Variants in RP1 observed in about 807,000 individuals in gnomAD.
The protein encoded by RP1 is RP1 axonemal microtubule associated.
RP1 carries 16 observed loss-of-function variants against 14.8 expected under a neutral mutation model. The ratio of observed to expected loss-of-function variants is 1.08; its 90% CI spans 0.73 to 1.65. The LOEUF is 1.65. Among genes scored for constraint, RP1 ranks in the 40% most tolerant of loss-of-function variants. The pLI is 0.00. For missense variants in RP1, 2,631 were observed against 2,535.0 expected (o/e 1.04, Z -0.81); for synonymous variants, 876 against 883.6 (o/e 0.99, Z 0.15).
At position 54,716,892 on chromosome 8, in the gene RP1, C is replaced by T. The variant is rs182009193; in HGVS notation, c.2212-3237C>T. On this transcript the variant is annotated intron_variant, in intron 15 of 22. Coordinates refer to the RP1 transcript ENST00000636932. ...GAGTGTGTAAGTTTCCTGGGATAGCCCCTCAGCTGTTGAGATTCTCTCCCA... is the reference window on the plus strand; with the variant it reads ...GAGTGTGTAAGTTTCCTGGGATAGCTCCTCAGCTGTTGAGATTCTCTCCCA... Among the ~76,000 whole-genome samples the T allele has an allele frequency of 1.1e-4, 16 of 152,228 alleles. 1 individual carries two copies. The East Asian group carries it at 3.1e-3, about 29-fold the overall frequency.
chr8:54,609,474 G>A (rs564215847), intron 1 of RP1, among the ~76,000 whole-genome samples: 29 of 151,960 alleles, frequency 1.9e-4, no homozygotes, highest in African/African-American at 5.1e-4. Context: ...AAAGAAAACC[G>A]AAACCAAAAC....
chr8:54,827,461 C>G (rs1474520578), intron 24 of RP1, among the ~76,000 whole-genome samples: 1 of 151,922 alleles, frequency 6.6e-6, no homozygotes, highest in Non-Finnish European at 1.5e-5. Context: ...TCCCAAGTAG[C>G]TGGACTCCAG....
rs1563340428 is a variant in RP1, at chr8:54,660,751, T to TAAACA, written c.1172-2947_1172-2946insAACAA. Among the ~76,000 whole-genome samples, 4 of 152,272 alleles carry TAAACA rather than the reference T, an allele frequency of 2.6e-5. No homozygotes were observed. In the East Asian group the frequency reaches 7.7e-4, roughly 29 times the overall value. On this transcript the variant is annotated intron_variant, in intron 6 of 22. Coordinates refer to the RP1 transcript ENST00000636932. ...ATGCATTTTGCTGATGCCCTATGGG[T>TAAACA]ACTTTTTAATGAAACAACTATTTTG...
chr8:54,688,786 G>C (rs1308809052), intron 12 of RP1, among the ~76,000 whole-genome samples: 2 of 152,094 alleles, frequency 1.3e-5, no homozygotes, highest in Non-Finnish European at 2.9e-5. Flanking sequence ...GGATTGTCTT[G>C]GCAATGCAGC....
intron 24 of RP1, among the ~76,000 whole-genome samples, chr8:54,784,163 A>G (rs1810262477): frequency 6.6e-6 from 1 of 152,168 alleles, no homozygotes; most frequent in South Asian, 2.1e-4. Context: ...AATGGTCAAG[A>G]TTCAATTGCT....
At chr8:54,772,977 G>A (rs1426633479), downstream of RP1, among the ~76,000 whole-genome samples, 1 of 152,090 alleles carries the variant, frequency 6.6e-6, no homozygotes, top group Non-Finnish European at 1.5e-5. Flanking sequence ...CTCAACCTTT[G>A]TGGGGACAGG....
At chr8:54,645,751 C>T (rs448744) in intron 3 of RP1, among the ~76,000 whole-genome samples, 39,128 of 151,896 alleles carry the variant, frequency 0.26, 5,372 homozygotes, top group East Asian at 0.42. Context: ...GGATTGATAC[C>T]ATTTTTTAGA....
At position 54,588,618 on chromosome 8, in the gene RP1, G is replaced by A. The variant is rs545479659; in HGVS notation, c.-13+29298G>A. Among the ~76,000 whole-genome samples the A allele has an allele frequency of 4.6e-5, 7 of 152,308 alleles. No homozygotes were observed. The South Asian group carries it at 1.5e-3, about 32-fold the overall frequency. ...CTATAATCATCGTGTCAGGTCAGAA[G>A]CTAGTGTTAGTAGCCTGAAGGCGCA... On this transcript the variant is annotated intron_variant, in intron 1 of 22. Transcript: ENST00000636932.
chr8:54,704,116 C>T (rs1280805069), intron 14 of RP1, among the ~76,000 whole-genome samples: 2 of 152,154 alleles, frequency 1.3e-5, no homozygotes, highest in Admixed American at 6.6e-5. Flanking sequence ...AAGAACTTTT[C>T]CTTTGCATTC....
intron 6 of RP1, among the ~76,000 whole-genome samples, chr8:54,659,975 T>C (rs2129328516): frequency 6.6e-6 from 1 of 152,294 alleles, no homozygotes; most frequent in Non-Finnish European, 1.5e-5. Context: ...TTTGGTGCTA[T>C]TGTAAATGCA....
chr8:54,840,147 G>C (rs1811757096), intron 25 of RP1, among the ~76,000 whole-genome samples: 1 of 152,050 alleles, frequency 6.6e-6, no homozygotes, highest in Non-Finnish European at 1.5e-5. Flanking sequence ...TTTGAAAAAT[G>C]ATGTTTAAAA....
chr8:54,574,128 A>G (rs368255672), intron 1 of RP1, among the ~76,000 whole-genome samples: 1,803 of 152,272 alleles, frequency 0.012, 35 homozygotes, highest in African/African-American at 0.042. Context: ...GATTGGAAAA[A>G]GTCCTGGCAA....
chr8:54,605,258 C>A (rs1202561200), intron 1 of RP1, among the ~76,000 whole-genome samples: 1 of 152,182 alleles, frequency 6.6e-6, no homozygotes, highest in Non-Finnish European at 1.5e-5. Context: ...TCATTGATTT[C>A]AAAGAACATC....
chr8:54,564,656 G>A (rs1165886794), intron 1 of RP1, among the ~76,000 whole-genome samples: 4 of 152,148 alleles, frequency 2.6e-5, no homozygotes, highest in Non-Finnish European at 5.9e-5. Context: ...AATTGCAGCT[G>A]TTTCCACTCC....
chr8:54,689,793 C>T (rs1419982463), intron 12 of RP1, among the ~76,000 whole-genome samples: 1 of 151,910 alleles, frequency 6.6e-6, no homozygotes, highest in Non-Finnish European at 1.5e-5. Context: ...ACATAGTTTT[C>T]TATTTACTTG....
At chr8:54,821,658 A>G (rs1563386720) in intron 24 of RP1, among the ~76,000 whole-genome samples, 2 of 152,144 alleles carry the variant, frequency 1.3e-5, no homozygotes, top group Admixed American at 6.5e-5. Flanking sequence ...GAGCAACTTA[A>G]TGTGTTAAAC....
At chr8:54,622,866 A>C (rs1195735448) in intron 3 of RP1, among the ~76,000 whole-genome samples, 1 of 152,168 alleles carries the variant, frequency 6.6e-6, no homozygotes, top group African/African-American at 2.4e-5. Flanking sequence ...TATCCTTTGG[A>C]TAGGGGAGGA....
intron 4 of RP1, among the ~76,000 whole-genome samples, chr8:54,650,897 T>C (rs138144222): frequency 1.3e-5 from 2 of 152,172 alleles, no homozygotes; most frequent in African/African-American, 4.8e-5. Context: ...TAGGACGTTA[T>C]CTGTGGGTTT....
chr8:54,703,377 G>T (rs1808072697), intron 14 of RP1, among the ~76,000 whole-genome samples: 1 of 152,140 alleles, frequency 6.6e-6, no homozygotes, highest in South Asian at 2.1e-4. Flanking sequence ...GGGTGACCAG[G>T]TACATTGTCA....
Sources: allele counts gnomAD v4.1 joint callset (sites outside exome capture counted in the v4.1 genomes callset), GRCh38; gene constraint gnomAD v4.1.1; transcripts MANE v1.5; gene names NCBI Gene and HGNC (gene_info 2026-07-23, HGNC 2026-07-21).